Variants in PALM2AKAP2 observed in about 807,000 individuals in gnomAD.
PALM2AKAP2 encodes PALM2 and AKAP2 fusion, also known as PALM2-AKAP2 fusion protein.
PALM2AKAP2 carries 37 observed loss-of-function variants against 71.5 expected under a neutral mutation model. The ratio of observed to expected loss-of-function variants is 0.52; its 90% CI spans 0.40 to 0.68. The LOEUF (loss-of-function observed/expected upper bound fraction) is 0.68. PALM2AKAP2 is among the 30% of genes least tolerant of loss of function. The probability of loss-of-function intolerance (pLI) is 0.00; values close to 1 mark genes in which losing one functional copy is unlikely to be tolerated. For synonymous variants in PALM2AKAP2, 468 were observed against 478.8 expected (o/e 0.98, Z 0.29); for missense variants, 1,224 against 1,191.8 (o/e 1.03, Z -0.40).
chr9:110,009,872 C>T (rs74534588), intron 6 of PALM2AKAP2, among the ~76,000 whole-genome samples: 1,556 of 152,272 alleles, frequency 0.01, 26 homozygotes, highest in African/African-American at 0.036. Flanking sequence ...CTCCTTTGTT[C>T]TGGTGGCACA....
At position 109,854,377 on chromosome 9, in the gene PALM2AKAP2, C is replaced by G. The variant is rs532485401; in HGVS notation, c.46-13114C>G. Among the ~76,000 whole-genome samples the G allele has an allele frequency of 2.0e-5, 3 of 152,338 alleles. No individual in the cohort carries two copies. In the South Asian group the frequency reaches 6.2e-4, roughly 32 times the overall value. ...ATATGCAAGGGTTCCTATTCCGAGC[C>G]TCTCAGAAACATCCCTCTGGCCACA... On this transcript the variant is annotated intron_variant, in intron 1 of 9. Coordinates refer to the PALM2AKAP2 transcript ENST00000302798.
chr9:109,782,990 T>G (rs574268498), intron 1 of PALM2AKAP2, among the ~76,000 whole-genome samples: 3 of 146,678 alleles, frequency 2.0e-5, no homozygotes, highest in African/African-American at 7.3e-5. Context: ...ACTCCTGAAG[T>G]CTCTCTGGAG....
intron 6 of PALM2AKAP2, chr9:109,946,671 G>A (rs2132060219): frequency 1.1e-5 from 1 of 94,608 alleles, no homozygotes. Context: ...GGGCAACAAA[G>A]AGCGAAACTC....
At chr9:109,667,932 T>TAAAGTAA (rs1587860398) in intron 1 of PALM2AKAP2, among the ~76,000 whole-genome samples, 4,113 of 81,224 alleles carry the variant, frequency 0.051, 1,600 homozygotes, top group African/African-American at 0.076. Context: ...GCTTTGGTTT[T>TAAAGTAA]TTTTTTTTTT....
chr9:109,875,156 C>T (rs1022302225), intron 2 of PALM2AKAP2, among the ~76,000 whole-genome samples: 3 of 152,150 alleles, frequency 2.0e-5, no homozygotes, highest in Non-Finnish European at 2.9e-5. Context: ...GCATTTGTTC[C>T]GGTCCACAAA....
intron 1 of PALM2AKAP2, among the ~76,000 whole-genome samples, chr9:110,059,600 G>A (rs1225469464): frequency 6.6e-6 from 1 of 152,324 alleles, no homozygotes; most frequent in Non-Finnish European, 1.5e-5. Flanking sequence ...ATGTGGGGCT[G>A]TGGATGTGAA....
intron 1 of PALM2AKAP2, among the ~76,000 whole-genome samples, chr9:109,697,823 T>C (rs550712388): frequency 3.9e-5 from 6 of 152,354 alleles, no homozygotes; most frequent in Middle Eastern, 6.8e-3. Flanking sequence ...CCTTTTTAAA[T>C]GATCACAAAT....
At chr9:109,661,805 A>C (rs1247119224) in intron 1 of PALM2AKAP2, among the ~76,000 whole-genome samples, 1 of 152,178 alleles carries the variant, frequency 6.6e-6, no homozygotes, top group African/African-American at 2.4e-5. Flanking sequence ...TGAGCATGGA[A>C]TATTCTTCCA....
At chr9:109,674,593 G>T (rs1277119247) in intron 1 of PALM2AKAP2, among the ~76,000 whole-genome samples, 1 of 151,958 alleles carries the variant, frequency 6.6e-6, no homozygotes, top group African/African-American at 2.4e-5. Context: ...CTAATGTGTG[G>T]ACCTTTTGGG....
chr9:109,902,254 A>G (rs1284624984), intron 3 of PALM2AKAP2, among the ~76,000 whole-genome samples: 1 of 152,146 alleles, frequency 6.6e-6, no homozygotes, highest in East Asian at 1.9e-4. Flanking sequence ...AAGTTAATAT[A>G]TGTAAAGTGT....
At chr9:109,667,887 G>A (rs1827512967) in intron 1 of PALM2AKAP2, among the ~76,000 whole-genome samples, 1 of 151,364 alleles carries the variant, frequency 6.6e-6, no homozygotes, top group African/African-American at 2.4e-5. Context: ...GAGGTAATAT[G>A]CATGGAATTA....
intron 6 of PALM2AKAP2, among the ~76,000 whole-genome samples, chr9:109,983,770 C>T (rs528848930): frequency 6.6e-6 from 1 of 151,782 alleles, no homozygotes; most frequent in African/African-American, 2.4e-5. Flanking sequence ...GAGGCTGAGG[C>T]ATGAGAATCG....
chr9:109,766,996 C>T (rs1471875467), intron 1 of PALM2AKAP2, among the ~76,000 whole-genome samples: 1 of 150,182 alleles, frequency 6.7e-6, no homozygotes, highest in African/African-American at 2.5e-5. Flanking sequence ...TTAGTACCTG[C>T]CAGACACTGT....
intron 3 of PALM2AKAP2, among the ~76,000 whole-genome samples, chr9:110,165,554 G>A (rs1033903226): frequency 2.0e-5 from 3 of 152,092 alleles, no homozygotes; most frequent in African/African-American, 7.2e-5. Flanking sequence ...TTTATTGTAT[G>A]GCCATGGTAA....
chr9:110,112,081 A>C (rs147259496), intron 1 of PALM2AKAP2, among the ~76,000 whole-genome samples: 1 of 152,214 alleles, frequency 6.6e-6, no homozygotes, highest in East Asian at 1.9e-4. Context: ...CATTATCTAG[A>C]GAATTCCAAC....
At chr9:110,103,593 C>T (rs1564306825) in intron 1 of PALM2AKAP2, among the ~76,000 whole-genome samples, 1 of 152,188 alleles carries the variant, frequency 6.6e-6, no homozygotes, top group South Asian at 2.1e-4. Flanking sequence ...TCATCTTTGA[C>T]CTCATGTGTA....
chr9:109,844,270 A>T (rs1439036790), intron 1 of PALM2AKAP2, among the ~76,000 whole-genome samples: 1 of 152,222 alleles, frequency 6.6e-6, no homozygotes, highest in African/African-American at 2.4e-5. Flanking sequence ...AGAGGAACAT[A>T]AACTAACAGT....
At chr9:109,963,982 C>T (rs1225883747) in intron 6 of PALM2AKAP2, among the ~76,000 whole-genome samples, 2 of 152,336 alleles carry the variant, frequency 1.3e-5, no homozygotes, top group Admixed American at 6.5e-5. Context: ...CACAGAATCT[C>T]GCTCTGCACC....
At chr9:110,132,372 T>C (rs919192087) in intron 1 of PALM2AKAP2, among the ~76,000 whole-genome samples, 2 of 151,592 alleles carry the variant, frequency 1.3e-5, no homozygotes, top group Non-Finnish European at 2.9e-5. Flanking sequence ...TTTTTTTTTT[T>C]CTTTTTGATA....
Sources: gnomAD v4.1 joint callset for allele counts (sites outside exome capture counted in the v4.1 genomes callset) on GRCh38, gnomAD v4.1.1 for gene constraint, MANE v1.5 for transcripts, NCBI Gene and HGNC (gene_info 2026-07-23, HGNC 2026-07-21) for gene names.